Variants in COL25A1 observed in about 807,000 individuals in gnomAD.
COL25A1 encodes collagen alpha-1(XXV) chain.
A neutral mutation model predicts 128.4 loss-of-function variants in COL25A1; 103 were observed. That is an observed-to-expected ratio of 0.80 (90% CI 0.68 to 0.94). The LOEUF is 0.94. Among genes scored for constraint, COL25A1 ranks in the 40% least tolerant of loss-of-function variants. The pLI is 0.00. For missense variants in COL25A1, 745 were observed against 840.0 expected, an observed-to-expected ratio of 0.89 and a Z score of 1.40; for synonymous variants, 279 against 277.2, an observed-to-expected ratio of 1.01 and a Z score of -0.06.
At chr4:109,300,090 G>A (rs1725357634) in intron 3 of COL25A1, among the ~76,000 whole-genome samples, 1 of 150,842 alleles carries the variant, frequency 6.6e-6, no homozygotes, top group Admixed American at 6.6e-5. Context: ...TAGGATAGGA[G>A]ATGGAATCTT....
At chr4:109,258,616 CT>C (rs35330027) in intron 3 of COL25A1, among the ~76,000 whole-genome samples, 5 of 152,140 alleles carry the variant, frequency 3.3e-5, no homozygotes, top group Admixed American at 3.3e-4. Context: ...TTGCTATTGC[CT>C]TTTTGGCCAA....
intron 3 of COL25A1, among the ~76,000 whole-genome samples, chr4:109,183,289 T>C (rs1177801212): frequency 6.6e-6 from 1 of 151,792 alleles, no homozygotes; most frequent in African/African-American, 2.4e-5. Flanking sequence ...GCCAAAAATC[T>C]ACAAAGGAGA....
At chr4:109,299,496 GT>G (rs1725308263) in intron 3 of COL25A1, among the ~76,000 whole-genome samples, 1 of 152,150 alleles carries the variant, frequency 6.6e-6, no homozygotes, top group Admixed American at 6.5e-5. Context: ...ACAACCTGGA[GT>G]TGACATTTAA....
chr4:109,281,008 A>G (rs773889463), intron 3 of COL25A1, among the ~76,000 whole-genome samples: 58 of 152,222 alleles, frequency 3.8e-4, no homozygotes, highest in Non-Finnish European at 5.0e-4. Context: ...AGCTATAGAT[A>G]TAACAGATAT....
At chr4:108,996,410 A>G (rs62313686) in intron 6 of COL25A1, among the ~76,000 whole-genome samples, 6,752 of 152,254 alleles carry the variant, frequency 0.044, 237 homozygotes, top group Middle Eastern at 0.061. Flanking sequence ...TTAATGCAAC[A>G]TGAAGAGCTA....
intron 3 of COL25A1, among the ~76,000 whole-genome samples, chr4:109,265,783 CA>C (rs1781752173): frequency 6.6e-6 from 1 of 152,082 alleles, no homozygotes; most frequent in Admixed American, 6.6e-5. Flanking sequence ...TAATTTAAAA[CA>C]GGCAACATTA....
intron 8 of COL25A1, 54 bp downstream of exon 8, chr4:108,974,313 A>C: frequency 6.3e-7 from 1 of 1,590,456 alleles, no homozygotes; most frequent in Non-Finnish European, 8.6e-7. Context: ...TTCATTCAAT[A>C]AACTTGGAGT....
intron 3 of COL25A1, among the ~76,000 whole-genome samples, chr4:109,144,795 G>A (rs759362294): frequency 5.9e-5 from 9 of 151,420 alleles, no homozygotes; most frequent in Non-Finnish European, 1.3e-4. Flanking sequence ...AGTACCTCAG[G>A]AGCCGTTAGC....
At chr4:109,189,547 CA>C (rs33989375) in intron 3 of COL25A1, among the ~76,000 whole-genome samples, 12,347 of 53,474 alleles carry the variant, frequency 0.23, 302 homozygotes, top group African/African-American at 0.33. Flanking sequence ...GACTCCATCT[CA>C]AAAAAAAAAA....
chr4:109,217,555 G>A lies in COL25A1; in HGVS notation c.367+83028C>T, dbSNP rs558013904. Among the ~76,000 whole-genome samples the A allele has an allele frequency of 1.3e-4, 20 of 152,282 alleles. No homozygotes were observed. The East Asian group carries it at 3.5e-3, about 26-fold the overall frequency. ...GAAGCTTTGAAATGTATAATGCAAT[G>A]TGTCTCTAGTATTTCACCTTGGTTA... On this transcript the variant is annotated intron_variant, in intron 3 of 37. Transcript: ENST00000399132.
chr4:109,149,378 C>T (rs776858784), intron 3 of COL25A1, among the ~76,000 whole-genome samples: 3 of 152,098 alleles, frequency 2.0e-5, no homozygotes, highest in East Asian at 3.9e-4. Context: ...TATTCTTCGA[C>T]GTTCACCAAT....
chr4:108,974,602 T>C (rs188958995), intron 6 of COL25A1, 43 bp from the exon 7 acceptor site: 25 of 1,469,788 alleles, frequency 1.7e-5, no homozygotes, highest in East Asian at 7.0e-5. Context: ...TAAAAAAAGA[T>C]ATTGTAAACT....
At chr4:109,245,566 A>G (rs1161065161) in intron 3 of COL25A1, among the ~76,000 whole-genome samples, 4 of 152,184 alleles carry the variant, frequency 2.6e-5, no homozygotes, top group Non-Finnish European at 5.9e-5. Context: ...GAATCTAATC[A>G]TCCAATCACC....
chr4:109,018,503 C>T (rs1157061702), intron 5 of COL25A1, among the ~76,000 whole-genome samples: 3 of 152,178 alleles, frequency 2.0e-5, no homozygotes, highest in African/African-American at 7.2e-5. Context: ...GGATTACAGG[C>T]GTGAGCCACT....
At chr4:109,022,549 C>A (rs1441915034) in intron 5 of COL25A1, among the ~76,000 whole-genome samples, 3 of 152,072 alleles carry the variant, frequency 2.0e-5, no homozygotes, top group Non-Finnish European at 4.4e-5. Context: ...AAGAGTACAC[C>A]AATGATCCTA....
rs567735591 is a variant in COL25A1, at chr4:109,262,280, G to A, written c.367+38303C>T. On this transcript the variant is annotated intron_variant, in intron 3 of 37. Coordinates refer to ENST00000399132, the MANE Select transcript of COL25A1 (RefSeq NM_198721.4). Reference sequence around the variant, plus strand: ...TGTAATCCCAGCACTTTGGGAGGCCGAGGCGGGTGGATCATCTGGGGTCAG... The same window carrying A: ...TGTAATCCCAGCACTTTGGGAGGCCAAGGCGGGTGGATCATCTGGGGTCAG... 2.4e-4 allele frequency among the ~76,000 whole-genome samples: 36 copies of A among 152,122 alleles called. No individual in the cohort carries two copies. In the South Asian group the frequency reaches 4.8e-3, roughly 20 times the overall value.
chr4:108,927,642 GA>G (rs1746226672), intron 11 of COL25A1, among the ~76,000 whole-genome samples: 1 of 152,074 alleles, frequency 6.6e-6, no homozygotes, highest in Non-Finnish European at 1.5e-5. Context: ...AGCATTTGAT[GA>G]AAAAAAGTTC....
At chr4:109,049,930 CA>C (rs1268803605) in intron 4 of COL25A1, among the ~76,000 whole-genome samples, 1 of 152,168 alleles carries the variant, frequency 6.6e-6, no homozygotes, top group Non-Finnish European at 1.5e-5. Context: ...CAATACTTTG[CA>C]AACTTCTCCT....
Position 108,834,508 on chromosome 4 carries a change from A to G in COL25A1, c.1657-2075T>C. The G allele has an allele frequency of 6.8e-6, 6 of 887,988 alleles. 1 individual carries two copies. The South Asian group carries it at 9.0e-5, about 13-fold the overall frequency. 55.0% of individuals were successfully genotyped at this position (887,988 alleles called of 1,614,324 possible). ...TTCAAACAACATAATACGCAGTTAC[A>G]GGGTTCTGGGATGAATATCACATTG... is the stretch of plus-strand genomic sequence containing the variant. On this transcript the variant is annotated intron_variant, in intron 31 of 37. Transcript: ENST00000399132.
Sources: allele counts gnomAD v4.1 joint callset (sites outside exome capture counted in the v4.1 genomes callset), GRCh38; gene constraint gnomAD v4.1.1; transcripts MANE v1.5; gene names NCBI Gene and HGNC (gene_info 2026-07-23, HGNC 2026-07-21).